Variants in ZBBX observed in about 807,000 individuals in gnomAD.
ZBBX encodes the protein zinc finger B-box domain containing, also known as zinc finger B-box domain-containing protein 1.
ZBBX carries 101 observed loss-of-function variants against 108.5 expected under a neutral mutation model. The ratio of observed to expected loss-of-function variants is 0.93; its 90% confidence interval spans 0.79 to 1.10. ZBBX has a LOEUF of 1.10. Ranked by LOEUF, ZBBX falls within the 50% of genes least tolerant of loss-of-function variation. The pLI, the probability that ZBBX is intolerant of heterozygous loss-of-function variation, is 0.00. For missense variants in ZBBX, 1,009 were observed against 941.4 expected, an observed-to-expected ratio of 1.07 and a Z score of -0.94; for synonymous variants, 356 against 323.4, an observed-to-expected ratio of 1.10 and a Z score of -1.08.
intron 10 of ZBBX, among the ~76,000 whole-genome samples, chr3:167,329,370 C>T: frequency 6.6e-6 from 1 of 152,144 alleles, no homozygotes; most frequent in East Asian, 1.9e-4. Context: ...GAAAAATAAA[C>T]AGGCAGCTTG....
At chr3:167,179,628 C>T in the ZBBX span, among the ~76,000 whole-genome samples, 2 of 152,192 alleles carry the variant, frequency 1.3e-5, no homozygotes, top group African/African-American at 4.8e-5. Context: ...TCAGAAATCA[C>T]ATTAATAGGC....
chr3:167,360,758 T>G, intron 6 of ZBBX, 35 bp from the exon 7 acceptor site: 1 of 1,285,750 alleles, frequency 7.8e-7, no homozygotes, highest in East Asian at 2.8e-5. Flanking sequence ...TTGTCAGGTA[T>G]ATATTATCTT....
the ZBBX span, among the ~76,000 whole-genome samples, chr3:167,191,428 A>G: frequency 6.6e-6 from 1 of 152,122 alleles, no homozygotes; most frequent in Non-Finnish European, 1.5e-5. Flanking sequence ...TGTAACTCCC[A>G]CAATTCCCAC....
intron 9 of ZBBX, among the ~76,000 whole-genome samples, chr3:167,348,368 G>GAAAGAAAAAGAAAGAA (rs1431515037): frequency 9.0e-6 from 1 of 111,586 alleles, no homozygotes; most frequent in Non-Finnish European, 1.9e-5. Flanking sequence ...AAGAAAGAAA[G>GAAAGAAAAAGAAAGAA]AAAAAAAAGA....
At chr3:167,244,996 A>G (rs960140231) in intron 20 of ZBBX, among the ~76,000 whole-genome samples, 2 of 152,242 alleles carry the variant, frequency 1.3e-5, no homozygotes, top group African/African-American at 4.8e-5. Context: ...ATAAAACACT[A>G]AAGAAAGAAA....
At position 167,394,454 on chromosome 3, in the gene ZBBX, T is replaced by C. The variant is rs191596393; in HGVS notation, c.-446+13272A>G. ...TTAATAATCTTGACAAAGAATACAG[T>C]TGCTTATTTTCCCCCAAAATAAGCA... On this transcript the variant is annotated intron_variant, in intron 1 of 21. Transcript: ENST00000455345. Among the ~76,000 whole-genome samples the C allele has an allele frequency of 2.6e-5, 4 of 152,106 alleles. No individual in the cohort carries two copies. The East Asian group carries it at 5.8e-4, about 22-fold the overall frequency.
At chr3:167,229,621 C>T in the ZBBX span, among the ~76,000 whole-genome samples, 1 of 151,768 alleles carries the variant, frequency 6.6e-6, no homozygotes, top group Non-Finnish European at 1.5e-5. Context: ...GACAGAAAGG[C>T]CCCATGCTGG....
intron 16 of ZBBX, among the ~76,000 whole-genome samples, chr3:167,309,743 A>G (rs924794868): frequency 2.0e-5 from 3 of 152,198 alleles, no homozygotes; most frequent in Non-Finnish European, 4.4e-5. Context: ...CAGTAATGGG[A>G]GGGGATGCTG....
At chr3:167,279,366 A>G (rs1227616628) in intron 20 of ZBBX, among the ~76,000 whole-genome samples, 6 of 151,888 alleles carry the variant, frequency 4.0e-5, no homozygotes, top group African/African-American at 1.2e-4. Context: ...TCAGCCCAAA[A>G]TCTCCTTAAG....
intron 21 of ZBBX, 110 bp from the exon 22 acceptor site, chr3:167,241,029 G>T: frequency 7.8e-7 from 1 of 1,278,136 alleles, no homozygotes; most frequent in Non-Finnish European, 1.1e-6. Flanking sequence ...GCAAGCAGAT[G>T]TGAGGGAGCT....
the ZBBX span, among the ~76,000 whole-genome samples, chr3:167,180,359 G>C: frequency 2.0e-5 from 3 of 152,176 alleles, no homozygotes; most frequent in Non-Finnish European, 4.4e-5. Flanking sequence ...AGTAATTTTT[G>C]AAAGTCATTT....
intron 9 of ZBBX, 120 bp from the exon 10 acceptor site, chr3:167,334,105 A>C (rs2108404785): frequency 1.4e-6 from 1 of 715,276 alleles, no homozygotes; most frequent in Non-Finnish European, 2.1e-6. Context: ...TCAATTTAAT[A>C]TTTAAAAAGA....
intron 20 of ZBBX, among the ~76,000 whole-genome samples, chr3:167,278,653 C>T (rs886157934): frequency 6.6e-6 from 1 of 151,454 alleles, no homozygotes; most frequent in African/African-American, 2.4e-5. Context: ...GGATTCACAG[C>T]CGAATTCTAC....
chr3:167,325,005 C>A lies in ZBBX; in HGVS notation c.863-2768G>T, dbSNP rs76252357. The stretch of plus-strand genomic sequence containing the variant: ...AACCCGCCCAATTGTTACTGCCATT[C>A]CTGAAGTGCTTGAGACAAAACACTA... On this transcript the variant is annotated intron_variant, in intron 11 of 21. Transcript: ENST00000675490. Among the ~76,000 whole-genome samples the A allele has an allele frequency of 6.5e-3, 994 of 152,240 alleles. 34 individuals carry two copies. In the East Asian group the frequency reaches 0.095, roughly 15 times the overall value.
intron 8 of ZBBX, among the ~76,000 whole-genome samples, chr3:167,358,408 A>G (rs539007302): frequency 3.9e-5 from 6 of 152,168 alleles, no homozygotes; most frequent in Non-Finnish European, 5.9e-5. Context: ...TTTAATGGAT[A>G]CAGAGTTTCA....
At chr3:167,270,267 G>T (rs1332531058) in intron 20 of ZBBX, among the ~76,000 whole-genome samples, 1 of 152,152 alleles carries the variant, frequency 6.6e-6, no homozygotes, top group Non-Finnish European at 1.5e-5. Context: ...TGAAGGCATC[G>T]TGTATTTACC....
Position 167,293,910 on chromosome 3 carries a change from CAGAG to C in ZBBX, c.1879+4391_1879+4394del, listed in dbSNP as rs1481422606. On this transcript the variant is annotated intron_variant, in intron 18 of 21. Transcript: ENST00000675490. ...TTCCTATACACCTATAACAGACAAA[CAGAG>C]AGCCAAATAAAGAGTGAGCTCCCAT... 3.9e-5 allele frequency among the ~76,000 whole-genome samples: 6 copies of C among 152,058 alleles called. No individual in the cohort carries two copies. In the East Asian group the frequency reaches 9.6e-4, roughly 24 times the overall value.
intron 14 of ZBBX, among the ~76,000 whole-genome samples, chr3:167,316,192 T>C (rs1023680879): frequency 6.6e-6 from 1 of 152,236 alleles, no homozygotes; most frequent in South Asian, 2.1e-4. Context: ...CCCACATGTA[T>C]GTAGTGTGTG....
chr3:167,343,282 T>C (rs1221807634), intron 9 of ZBBX, among the ~76,000 whole-genome samples: 10 of 151,856 alleles, frequency 6.6e-5, no homozygotes, highest in Admixed American at 6.6e-5. Flanking sequence ...CACCTCTCCC[T>C]TTAAGGTTGA....
Sources: gnomAD v4.1 joint callset for allele counts (sites outside exome capture counted in the v4.1 genomes callset) on GRCh38, gnomAD v4.1.1 for gene constraint, MANE v1.5 for transcripts, NCBI Gene and HGNC (gene_info 2026-07-23, HGNC 2026-07-21) for gene names.